The following CPEB4 variants were observed in gnomAD, a reference collection of about 807,000 sequenced individuals.
CPEB4 encodes cytoplasmic polyadenylation element binding protein 4.
A neutral mutation model predicts 72.5 loss-of-function variants in CPEB4; 12 were observed. The observed-to-expected ratio is 0.17, with a 90% CI of 0.11 to 0.27. The LOEUF (loss-of-function observed/expected upper bound fraction) is 0.27. Ranked by LOEUF, CPEB4 falls within the 10% of genes least tolerant of loss-of-function variation. The pLI, the probability that CPEB4 is intolerant of heterozygous loss-of-function variation, is 1.00. For synonymous variants in CPEB4, 302 were observed against 326.3 expected (o/e 0.93, Z 0.80); for missense variants, 614 against 908.5 (o/e 0.68, Z 4.17).
At chr5:173,929,488 C>T (rs1338768105) in intron 2 of CPEB4, among the ~76,000 whole-genome samples, 4 of 152,058 alleles carry the variant, frequency 2.6e-5, no homozygotes, top group Non-Finnish European at 5.9e-5. Context: ...TGCTTGAGCC[C>T]AAGAGTTCAA....
At chr5:173,954,676 C>T (rs1376596508) in intron 9 of CPEB4, among the ~76,000 whole-genome samples, 1 of 152,110 alleles carries the variant, frequency 6.6e-6, no homozygotes, top group Non-Finnish European at 1.5e-5. Context: ...CATGCCTGGC[C>T]TACTTGGTTT....
At chr5:173,918,211 G>A (rs1309999596) in intron 2 of CPEB4, 1 of 152,224 alleles carries the variant, frequency 6.6e-6, no homozygotes, top group East Asian at 1.9e-4. Flanking sequence ...CTCTTGCCTT[G>A]GCTTAGCTGT....
intron 1 of CPEB4, among the ~76,000 whole-genome samples, chr5:173,901,041 CAAG>C (rs1005713226): frequency 2.0e-5 from 3 of 152,018 alleles, no homozygotes; most frequent in Non-Finnish European, 4.4e-5. Flanking sequence ...AACAAATTGT[CAAG>C]AAGAAGAAAA....
chr5:173,949,458 A>T, intron 5 of CPEB4, 50 bp from the exon 6 acceptor site: 1 of 1,364,188 alleles, frequency 7.3e-7, no homozygotes, highest in Non-Finnish European at 1.0e-6. Context: ...ACTTTCAAAA[A>T]ATGATCATAA....
intron 1 of CPEB4, 53 bp from the exon 2 acceptor site, chr5:173,910,470 T>C: frequency 7.8e-7 from 1 of 1,278,016 alleles, no homozygotes; most frequent in East Asian, 2.3e-5. Context: ...ACTGTCCTCT[T>C]TTATATTTAA....
At chr5:173,907,267 AAACAACAAC>A (rs758240830) in intron 1 of CPEB4, among the ~76,000 whole-genome samples, 7 of 151,796 alleles carry the variant, frequency 4.6e-5, no homozygotes, top group South Asian at 2.1e-4. Context: ...CTCCGTCTCA[AAACAACAAC>A]AACAACAACA....
Position 173,956,141 on chromosome 5 carries a change from A to T in CPEB4, c.*4A>T. 1 of 1,611,048 alleles carries T rather than the reference A, an allele frequency of 6.2e-7. No homozygotes were observed. Among genetic ancestry groups the T allele is most frequent in the Non-Finnish European group, 8.5e-7 (1 of 1,177,328 alleles). On this transcript the variant is annotated 3_prime_UTR_variant, in exon 10 of 10. Coordinates refer to ENST00000265085, the MANE Select transcript of CPEB4 (RefSeq NM_030627.4). ...TATTTCATTCCGCTGGAACTAAAGG[A>T]TAACTGCAGTGCTCATTTTCAGGCC...
chr5:173,897,735 A>G (rs1468770459), intron 1 of CPEB4, among the ~76,000 whole-genome samples: 4 of 152,250 alleles, frequency 2.6e-5, no homozygotes, highest in Non-Finnish European at 5.9e-5. Context: ...TAACGTAGTC[A>G]TTAATGTGTT....
At chr5:173,934,417 A>G (rs1757549912) in intron 3 of CPEB4, among the ~76,000 whole-genome samples, 3 of 152,156 alleles carry the variant, frequency 2.0e-5, no homozygotes, top group Non-Finnish European at 4.4e-5. Context: ...AGGCATACTG[A>G]CTTGGGTTAA....
chr5:173,930,841 T>C (rs1361886980), intron 2 of CPEB4, among the ~76,000 whole-genome samples: 3 of 151,750 alleles, frequency 2.0e-5, no homozygotes, highest in African/African-American at 7.3e-5. Context: ...ACAAAAAAAT[T>C]AGCCAGGCAT....
rs1207692340 is a variant in CPEB4, at chr5:173,957,740, G to A, written c.*1603G>A. ...TTGCGCTACCTAACAGTACCATCTT[G>A]GATCCTTCAAAACCAAAGACTTGCC... is the stretch of plus-strand genomic sequence containing the variant. On this transcript the variant is annotated 3_prime_UTR_variant, in exon 10 of 10. Coordinates refer to ENST00000265085, the MANE Select transcript of CPEB4 (RefSeq NM_030627.4). 2 of 152,718 alleles carry A rather than the reference G, an allele frequency of 1.3e-5. No homozygotes were observed. Among genetic ancestry groups the A allele is most frequent in the African/African-American group, 4.8e-5 (2 of 41,422 alleles). The allele number at this position is 152,718 out of a possible 1,614,324, so 9.5% of individuals were successfully genotyped here. A position where few individuals can be genotyped will look rare whatever the true frequency, so the allele number is the denominator to read the frequency against.
chr5:173,917,986 G>C lies in CPEB4; in HGVS notation c.1207+7382G>C, dbSNP rs567695232. On this transcript the variant is annotated intron_variant, in intron 2 of 9. Coordinates refer to ENST00000265085, the MANE Select transcript of CPEB4 (RefSeq NM_030627.4). Reference sequence around the variant, plus strand: ...ATGATACCAAGTAATTCAAAGTAGCGTAACAGGGGAGTGACTTAAGTCTCC... The same window carrying C: ...ATGATACCAAGTAATTCAAAGTAGCCTAACAGGGGAGTGACTTAAGTCTCC... Among the ~76,000 whole-genome samples, 10 of 152,316 alleles carry C rather than the reference G, an allele frequency of 6.6e-5. No individual in the cohort carries two copies. In the East Asian group the frequency reaches 1.4e-3, roughly 21 times the overall value.
chr5:173,931,445 C>T (rs772868889), intron 2 of CPEB4, among the ~76,000 whole-genome samples: 3 of 152,120 alleles, frequency 2.0e-5, no homozygotes, highest in Non-Finnish European at 4.4e-5. Flanking sequence ...TGTTCTAAAT[C>T]CTGATTTATA....
At chr5:173,908,510 T>C (rs1022123224) in intron 1 of CPEB4, among the ~76,000 whole-genome samples, 1 of 152,326 alleles carries the variant, frequency 6.6e-6, no homozygotes, top group South Asian at 2.1e-4. Flanking sequence ...GTCCCTGGAC[T>C]CCTCAAGTTG....
intron 3 of CPEB4, among the ~76,000 whole-genome samples, chr5:173,942,068 C>T (rs1470387392): frequency 6.6e-6 from 1 of 152,234 alleles, no homozygotes; most frequent in Non-Finnish European, 1.5e-5. Flanking sequence ...ACCCCCACCC[C>T]CAACTTTTTC....
In CPEB4 at chr5:173,910,541, G is replaced by A. The variant is rs148567441; in HGVS notation, c.1144G>A (p.Asp382Asn). 2.5e-6 allele frequency: 4 copies of A among 1,613,406 alleles called. No homozygotes were observed. The highest frequency in any genetic ancestry group is 1.3e-5 in the African/African-American group (1 of 74,880). ...TCTACAGGATCGCCCCAGGACATTC[G>A]ACATGCACTCACTGGAGAGTTCACT... ...FPFPDRPRTF[D>N]MHSLESSLID... The change falls in exon 2 of 10, where the codon GAC becomes AAC. Residue 382 changes from aspartate (D) to asparagine (N), a missense_variant. Coordinates refer to ENST00000265085, the MANE Select transcript of CPEB4 (RefSeq NM_030627.4).
chr5:173,939,033 A>G (rs1581157464), intron 3 of CPEB4, among the ~76,000 whole-genome samples: 1 of 152,352 alleles, frequency 6.6e-6, no homozygotes, highest in East Asian at 1.9e-4. Context: ...CATGCTTACA[A>G]TCCTAGCACT....
At position 173,890,639 on chromosome 5, in the gene CPEB4, C is replaced by T. The variant is rs757880567; in HGVS notation, c.906C>T (p.Gly302=). The T allele has an allele frequency of 9.3e-6, 15 of 1,613,928 alleles. No homozygotes were observed. The East Asian group carries it at 1.6e-4, about 17-fold the overall frequency. ...CACCCTCCTCTTCCTGGAGCCCGGG[C>T]GGTGGTGGATATGGTGGCTGGGGAG... ...SPTPSSSWSP[G]GGGYGGWGGS... is the part of the protein sequence containing the mutation. Residue 302 remains glycine (G), a synonymous_variant, in exon 1 of 10, where the codon GGC becomes GGT. Transcript: ENST00000265085.
At chr5:173,909,194 A>G (rs761490348) in intron 1 of CPEB4, among the ~76,000 whole-genome samples, 23 of 152,176 alleles carry the variant, frequency 1.5e-4, no homozygotes, top group Non-Finnish European at 4.4e-5. Context: ...CTTTAATTTT[A>G]ATGCAACAAA....
Sources: gnomAD v4.1 joint callset for allele counts (sites outside exome capture counted in the v4.1 genomes callset) on GRCh38, gnomAD v4.1.1 for gene constraint, MANE v1.5 for transcripts, NCBI Gene and HGNC (gene_info 2026-07-23, HGNC 2026-07-21) for gene names.